ROR1: variants seen among roughly 807,000 people sequenced by gnomAD.
ROR1 encodes ROR family WNT receptor 1, also known as inactive tyrosine-protein kinase transmembrane receptor ROR1.
Under a neutral mutation model 78.8 loss-of-function variants are expected in ROR1, and 19 were observed. The ratio of observed to expected loss-of-function variants is 0.24; its 90% CI spans 0.17 to 0.35. The LOEUF is 0.35. Ranked by LOEUF, ROR1 falls within the 10% of genes least tolerant of loss-of-function variation. ROR1 has a pLI of 1.00. For synonymous variants in ROR1, 386 were observed against 433.6 expected (o/e 0.89, Z 1.36); for missense variants, 917 against 1,177.8 (o/e 0.78, Z 3.24).
intron 1 of ROR1, among the ~76,000 whole-genome samples, chr1:64,002,429 C>T (rs1051201669): frequency 6.6e-6 from 1 of 152,032 alleles, no homozygotes; most frequent in Admixed American, 6.6e-5. Flanking sequence ...CGGCCTGGTT[C>T]GAGCTTTTTC....
chr1:63,829,670 G>A (rs965210661), intron 1 of ROR1, among the ~76,000 whole-genome samples: 6 of 152,222 alleles, frequency 3.9e-5, no homozygotes, highest in African/African-American at 1.2e-4. Context: ...AATATCCAGT[G>A]TGGGGACAGA....
chr1:63,798,589 C>A lies in ROR1; in HGVS notation c.91+24081C>A, dbSNP rs764775390. Among the ~76,000 whole-genome samples the A allele has an allele frequency of 2.0e-5, 3 of 152,298 alleles. No individual in the cohort carries two copies. The South Asian group carries it at 6.2e-4, about 32-fold the overall frequency. ...CATCACTTTGCCTTGTAAGTATAGA[C>A]AAGACACTAACTGCTCTGCATGTCT... On this transcript the variant is annotated intron_variant, in intron 1 of 8. Transcript: ENST00000371079.
chr1:64,024,352 G>C (rs1372129468), intron 2 of ROR1, among the ~76,000 whole-genome samples: 2 of 152,072 alleles, frequency 1.3e-5, no homozygotes, highest in Admixed American at 1.3e-4. Context: ...ATGGTGGCAT[G>C]CACCTGTAAT....
intron 1 of ROR1, among the ~76,000 whole-genome samples, chr1:63,867,622 G>A (rs1645224669): frequency 6.6e-6 from 1 of 152,180 alleles, no homozygotes; most frequent in African/African-American, 2.4e-5. Context: ...TTATGTCAGG[G>A]GTAACGAGGT....
chr1:64,014,648 C>T (rs1646502297), intron 2 of ROR1, among the ~76,000 whole-genome samples: 1 of 130,242 alleles, frequency 7.7e-6, no homozygotes. Flanking sequence ...AGGGAACCTA[C>T]TACTTAAAAA....
intron 4 of ROR1, among the ~76,000 whole-genome samples, chr1:64,109,979 C>G (rs72916910): frequency 6.6e-6 from 1 of 152,122 alleles, no homozygotes; most frequent in African/African-American, 2.4e-5. Flanking sequence ...GACATCACTT[C>G]CTCTAGGAAG....
At chr1:63,779,569 G>C (rs2100218535) in intron 1 of ROR1, among the ~76,000 whole-genome samples, 1 of 152,274 alleles carries the variant, frequency 6.6e-6, no homozygotes, top group East Asian at 1.9e-4. Context: ...ACTAAATGCA[G>C]CTGCTTGTTA....
intron 1 of ROR1, among the ~76,000 whole-genome samples, chr1:63,983,989 C>A (rs1383423559): frequency 6.6e-6 from 1 of 152,198 alleles, no homozygotes; most frequent in Non-Finnish European, 1.5e-5. Flanking sequence ...TAGCAAGGCA[C>A]ACATAACCCT....
chr1:63,936,939 G>A (rs1645798683), intron 1 of ROR1, among the ~76,000 whole-genome samples: 1 of 152,104 alleles, frequency 6.6e-6, no homozygotes. Flanking sequence ...ACTCAATGAG[G>A]CAATCAGCCA....
chr1:63,776,710 G>A lies in ROR1; in HGVS notation c.91+2202G>A, dbSNP rs543219869. On this transcript the variant is annotated intron_variant, in intron 1 of 8. Coordinates refer to ENST00000371079, the MANE Select transcript of ROR1 (RefSeq NM_005012.4). The stretch of plus-strand genomic sequence containing the variant: ...TGCCGGGCTACCTGCCTTTAATTTC[G>A]CTTCTCTTTCCTTTTCTGAGTATAA... Among the ~76,000 whole-genome samples, 99 of 152,210 alleles carry A rather than the reference G, an allele frequency of 6.5e-4. 3 individuals are homozygous for A. The highest frequency in any genetic ancestry group is 2.1e-3 in the Admixed American group (32 of 15,296).
intron 1 of ROR1, among the ~76,000 whole-genome samples, chr1:63,935,004 C>G (rs1055947166): frequency 6.7e-6 from 1 of 149,206 alleles, no homozygotes; most frequent in Non-Finnish European, 1.5e-5. Context: ...CCATCTCCAG[C>G]TCTGTTTGAT....
At chr1:63,828,977 A>G (rs1258366918) in intron 1 of ROR1, among the ~76,000 whole-genome samples, 1 of 152,204 alleles carries the variant, frequency 6.6e-6, no homozygotes, top group Non-Finnish European at 1.5e-5. Flanking sequence ...TTTTTCCATC[A>G]TATCATCGCC....
chr1:64,087,155 C>T (rs1049532614), intron 4 of ROR1, among the ~76,000 whole-genome samples: 3 of 152,188 alleles, frequency 2.0e-5, no homozygotes, highest in Non-Finnish European at 4.4e-5. Flanking sequence ...TCACTCAGAC[C>T]TTCATAGTAA....
At chr1:63,897,212 T>A (rs1645447171) in intron 1 of ROR1, among the ~76,000 whole-genome samples, 1 of 152,242 alleles carries the variant, frequency 6.6e-6, no homozygotes. Context: ...TTCATATTTT[T>A]AATTTTGTAC....
At chr1:64,115,980 G>A (rs1442281304) in intron 4 of ROR1, among the ~76,000 whole-genome samples, 1 of 152,180 alleles carries the variant, frequency 6.6e-6, no homozygotes, top group African/African-American at 2.4e-5. Flanking sequence ...GCATTATAAA[G>A]TGCCGGATCA....
In ROR1 at chr1:64,001,675, G is replaced by A. The variant is rs80305045; in HGVS notation, c.92-7630G>A. Among the ~76,000 whole-genome samples the A allele has an allele frequency of 3.4e-3, 522 of 152,242 alleles. 9 individuals carry two copies. Among genetic ancestry groups the A allele is most frequent in the Admixed American group, 0.026 (402 of 15,284 alleles). On this transcript the variant is annotated intron_variant, in intron 1 of 8. Coordinates refer to ENST00000371079, the MANE Select transcript of ROR1 (RefSeq NM_005012.4). ...AGAGTCCTAGCAGCTTCTCTGGACTGTTAGGAGAAGTATTTCCAGCACCTT... is the reference window on the plus strand; with the variant it reads ...AGAGTCCTAGCAGCTTCTCTGGACTATTAGGAGAAGTATTTCCAGCACCTT...
intron 1 of ROR1, among the ~76,000 whole-genome samples, chr1:63,901,358 AGTT>A (rs1011366224): frequency 2.8e-4 from 42 of 152,124 alleles, no homozygotes; most frequent in African/African-American, 8.9e-4. Context: ...TGGCCTTGGG[AGTT>A]GTTGTCCGGT....
At chr1:64,067,868 G>A (rs1309339549) in intron 4 of ROR1, among the ~76,000 whole-genome samples, 3 of 151,678 alleles carry the variant, frequency 2.0e-5, no homozygotes, top group South Asian at 2.1e-4. Flanking sequence ...GCCTGCCACC[G>A]CGCCCGGGTA....
chr1:63,899,836 A>G (rs1409839380), intron 1 of ROR1, among the ~76,000 whole-genome samples: 2 of 151,942 alleles, frequency 1.3e-5, no homozygotes, highest in East Asian at 3.9e-4. Flanking sequence ...CTAAAACCAT[A>G]ACTGTTACTC....
Sources: allele counts gnomAD v4.1 joint callset (sites outside exome capture counted in the v4.1 genomes callset), GRCh38; gene constraint gnomAD v4.1.1; transcripts MANE v1.5; gene names NCBI Gene and HGNC (gene_info 2026-07-23, HGNC 2026-07-21).